AP1B1: variants seen among roughly 807,000 people sequenced by gnomAD.
AP1B1 encodes AP-1 complex subunit beta-1.
Under a neutral mutation model 104.3 loss-of-function variants are expected in AP1B1, and 36 were observed. That is an observed-to-expected ratio of 0.35 (90% CI 0.26 to 0.46). The LOEUF is 0.46. AP1B1 is among the 20% of genes least tolerant of loss of function. The pLI, the probability that AP1B1 is intolerant of heterozygous loss-of-function variation, is 1.00. For synonymous variants in AP1B1, 504 were observed against 517.5 expected (o/e 0.97, Z 0.35); for missense variants, 901 against 1,247.9 (o/e 0.72, Z 4.19).
chr22:29,336,492 AG>A (rs1258036004), intron 16 of AP1B1, among the ~76,000 whole-genome samples: 1 of 152,170 alleles, frequency 6.6e-6, no homozygotes, highest in African/African-American at 2.4e-5. Context: ...AAGACAAAGC[AG>A]GGGTAACACT....
chr22:29,361,824 T>G (rs2062051763), intron 3 of AP1B1, among the ~76,000 whole-genome samples: 1 of 151,874 alleles, frequency 6.6e-6, no homozygotes, highest in African/African-American at 2.4e-5. Flanking sequence ...AGATGGAGTC[T>G]TGCTCTGTTG....
intron 2 of AP1B1, among the ~76,000 whole-genome samples, chr22:29,363,328 G>A (rs963486041): frequency 2.0e-5 from 3 of 152,160 alleles, no homozygotes; most frequent in East Asian, 1.9e-4. Flanking sequence ...GGGTGCAGTC[G>A]CTCATACCTG....
chr22:29,352,006 G>C (rs2061883394), intron 7 of AP1B1, among the ~76,000 whole-genome samples, 181 bp from the exon 8 acceptor site: 1 of 152,250 alleles, frequency 6.6e-6, no homozygotes, highest in Non-Finnish European at 1.5e-5. Context: ...GCCTGAGCAA[G>C]GCTGTGACTG....
intron 13 of AP1B1, among the ~76,000 whole-genome samples, chr22:29,341,169 A>G (rs2061709040): frequency 6.6e-6 from 1 of 152,260 alleles, no homozygotes; most frequent in Admixed American, 6.5e-5. Flanking sequence ...TGGGAACAAC[A>G]GAGGAGGAGG....
chr22:29,345,289 C>T (rs2061775151), intron 11 of AP1B1, among the ~76,000 whole-genome samples: 1 of 149,760 alleles, frequency 6.7e-6, no homozygotes, highest in South Asian at 2.1e-4. Context: ...AACTCCTGGA[C>T]TCAAAAGATC....
rs145238174 is a variant in AP1B1, at chr22:29,353,240, T to C, written c.938+1410A>G. On this transcript the variant is annotated intron_variant, in intron 7 of 22. Coordinates refer to ENST00000357586, the MANE Select transcript of AP1B1 (RefSeq NM_001127.4). ...ACAGGACAGAGAGAAAGGAGAAAACTGGGTACTCTGTGCTGCTGTGCACAC... is the reference window on the plus strand; with the variant it reads ...ACAGGACAGAGAGAAAGGAGAAAACCGGGTACTCTGTGCTGCTGTGCACAC... Among the ~76,000 whole-genome samples, 27 of 152,160 alleles carry C rather than the reference T, an allele frequency of 1.8e-4. 1 individual carries two copies. In the East Asian group the frequency reaches 4.6e-3, roughly 26 times the overall value.
intron 11 of AP1B1, among the ~76,000 whole-genome samples, chr22:29,344,145 A>G (rs952630773): frequency 1.3e-5 from 2 of 151,840 alleles, no homozygotes; most frequent in Non-Finnish European, 2.9e-5. Context: ...AGCATTGTGT[A>G]TTCTGCTCAC....
chr22:29,330,073 C>T (rs2061534184), intron 21 of AP1B1: 1 of 1,412,756 alleles, frequency 7.1e-7, no homozygotes, highest in African/African-American at 1.4e-5. Context: ...AGGGCCAGGG[C>T]CTGTGCCCAG....
chr22:29,375,133 A>G (rs1480083353), intron 1 of AP1B1, among the ~76,000 whole-genome samples: 2 of 152,088 alleles, frequency 1.3e-5, no homozygotes, highest in Admixed American at 1.3e-4. Flanking sequence ...GGTGGATCAC[A>G]AGGTCAGGAG....
Position 29,349,348 on chromosome 22 carries a change from A to G in AP1B1, c.1307T>C (p.Leu436Pro), listed in dbSNP as rs2061838381. ...ESVIATLCEN[L>P]DSLDEPEARA... is the part of the protein sequence containing the mutation. ...GGCCTCAGGCTCATCCAGGGAGTCC[A>G]GATTCTCACACAGTGTGGCAATCAC... The change falls in exon 11 of 23, where the codon CTG (leucine) becomes CCG (proline). Residue 436 changes from leucine to proline, a missense_variant. Transcript: ENST00000357586. The G allele has an allele frequency of 1.2e-6, 2 of 1,613,936 alleles. No individual in the cohort carries two copies. The highest frequency in any genetic ancestry group is 8.5e-7 in the Non-Finnish European group (1 of 1,180,028).
intron 3 of AP1B1, among the ~76,000 whole-genome samples, chr22:29,362,634 C>G (rs556631107): frequency 2.0e-5 from 3 of 152,106 alleles, no homozygotes; most frequent in Non-Finnish European, 4.4e-5. Flanking sequence ...CGTGAGCCAC[C>G]GCGCCTGGCC....
chr22:29,343,028 A>G (rs758272239), intron 11 of AP1B1, among the ~76,000 whole-genome samples: 12 of 152,138 alleles, frequency 7.9e-5, no homozygotes, highest in Non-Finnish European at 1.8e-4. Flanking sequence ...TATCCTGTAC[A>G]GTGAGCCCCC....
chr22:29,335,483 C>T (rs1000185584), intron 16 of AP1B1, among the ~76,000 whole-genome samples: 3 of 152,052 alleles, frequency 2.0e-5, no homozygotes, highest in African/African-American at 7.2e-5. Context: ...ACATCTGCCT[C>T]CAGGGCCTCC....
intron 17 of AP1B1, 125 bp from the exon 18 acceptor site, chr22:29,332,041 C>T (rs1156606293): frequency 9.8e-7 from 1 of 1,018,998 alleles, no homozygotes; most frequent in Non-Finnish European, 1.4e-6. Flanking sequence ...GCCAGCCTTC[C>T]CATGTTCTGG....
At chr22:29,359,794 T>C in intron 4 of AP1B1, 30 bp downstream of exon 4, 1 of 1,599,032 alleles carries the variant, frequency 6.3e-7, no homozygotes, top group Non-Finnish European at 8.5e-7. Context: ...AAGCACCCAA[T>C]GTCCCCACGC....
intron 16 of AP1B1, among the ~76,000 whole-genome samples, chr22:29,337,535 G>GC (rs2061655392): frequency 6.6e-6 from 1 of 152,132 alleles, no homozygotes; most frequent in South Asian, 2.1e-4. Flanking sequence ...GCCCCTGACC[G>GC]CCAACTGTAT....
chr22:29,330,762 GC>G, intron 19 of AP1B1, 53 bp from the exon 20 acceptor site: 1 of 1,472,854 alleles, frequency 6.8e-7, no homozygotes, highest in South Asian at 1.2e-5. Context: ...AAACCTGTGG[GC>G]CCTCTGTAGC....
At chr22:29,337,686 C>A (rs1269687308) in intron 16 of AP1B1, among the ~76,000 whole-genome samples, 1 of 152,182 alleles carries the variant, frequency 6.6e-6, no homozygotes, top group Non-Finnish European at 1.5e-5. Flanking sequence ...CCACACTGAG[C>A]TCTCCTCAGT....
At chr22:29,342,479 C>T (rs1251759195) in intron 11 of AP1B1, 96 bp from the exon 12 acceptor site, 1 of 989,442 alleles carries the variant, frequency 1.0e-6, no homozygotes, top group African/African-American at 1.6e-5. Context: ...TGTTCAAAGT[C>T]CCTGGAAGCC....
Sources: gnomAD v4.1 joint callset for allele counts (sites outside exome capture counted in the v4.1 genomes callset) on GRCh38, gnomAD v4.1.1 for gene constraint, MANE v1.5 for transcripts, NCBI Gene and HGNC (gene_info 2026-07-23, HGNC 2026-07-21) for gene names.